Variants in SAMSN1 observed in about 807,000 individuals in gnomAD.
SAMSN1 encodes SAM domain, SH3 domain and nuclear localization signals 1, also known as SAM domain-containing protein SAMSN-1.
Under a neutral mutation model 42.0 loss-of-function variants are expected in SAMSN1, and 31 were observed. The ratio of observed to expected loss-of-function variants is 0.74; its 90% confidence interval spans 0.55 to 1.00. The LOEUF (loss-of-function observed/expected upper bound fraction) is 1.00. Among genes scored for constraint, SAMSN1 ranks in the 50% least tolerant of loss-of-function variants. SAMSN1 has a pLI of 0.00. For synonymous variants in SAMSN1, 178 were observed against 151.9 expected, an observed-to-expected ratio of 1.17 and a Z score of -1.26; for missense variants, 464 against 439.4, an observed-to-expected ratio of 1.06 and a Z score of -0.50.
chr21:14,625,740 G>T (rs1406321013), intron 2 of SAMSN1, among the ~76,000 whole-genome samples: 1 of 152,118 alleles, frequency 6.6e-6, no homozygotes, highest in East Asian at 1.9e-4. Flanking sequence ...TCCCCATCAA[G>T]CTACCAATGA....
chr21:14,543,808 A>G (rs999177056), intron 1 of SAMSN1, among the ~76,000 whole-genome samples: 4 of 152,190 alleles, frequency 2.6e-5, no homozygotes, highest in Admixed American at 2.0e-4. Context: ...CCTTTCACAA[A>G]TTCTAAGAGT....
At chr21:14,549,637 G>C (rs1650781428), upstream of SAMSN1, among the ~76,000 whole-genome samples, 1 of 152,026 alleles carries the variant, frequency 6.6e-6, no homozygotes, top group African/African-American at 2.4e-5. Flanking sequence ...GCAAAATAAG[G>C]TTGTCATCAC....
intron 2 of SAMSN1, among the ~76,000 whole-genome samples, chr21:14,628,284 G>T (rs1483021379): frequency 6.6e-6 from 1 of 151,972 alleles, no homozygotes; most frequent in Non-Finnish European, 1.5e-5. Flanking sequence ...AGGATGTTGA[G>T]TGTTACCAAC....
At position 14,500,546 on chromosome 21, in the gene SAMSN1, C is replaced by G. The variant is rs1308815798; in HGVS notation, c.751G>C (p.Glu251Gln). 1.2e-6 allele frequency: 2 copies of G among 1,614,034 alleles called. No individual in the cohort carries two copies. ...TTGCTCACCTGCAGATGAATCCTCT[C>G]TAGGAACTCCTGCAGAGTCTTGGAT... ...KKSKTLQEFL[E>Q]RIHLQEYTST... is the part of the protein sequence containing the mutation. Residue 251 changes from glutamate (E) to glutamine (Q), a missense_variant, in exon 6 of 8, where the codon GAG becomes CAG. Glu to Gln is a conservative substitution (Grantham distance 29). Coordinates refer to ENST00000400566, the MANE Select transcript of SAMSN1 (RefSeq NM_022136.5).
intron 2 of SAMSN1, chr21:14,619,715 C>T (rs1361645041): frequency 7.1e-6 from 2 of 280,802 alleles, no homozygotes; most frequent in African/African-American, 2.2e-5. Context: ...ATAATACACA[C>T]TTATTTATTA....
intron 2 of SAMSN1, among the ~76,000 whole-genome samples, chr21:14,579,024 GA>G (rs997243947): frequency 6.6e-5 from 10 of 151,778 alleles, no homozygotes; most frequent in Admixed American, 5.2e-4. Context: ...AATTACTATT[GA>G]AAAAAATACC....
chr21:14,582,287 C>G, exon 2 of SAMSN1: 7 of 1,550,726 alleles, frequency 4.5e-6, no homozygotes, highest in Non-Finnish European at 6.1e-6. Context: ...CCAGTGATGC[C>G]ACATGTAAGC....
intron 2 of SAMSN1, among the ~76,000 whole-genome samples, chr21:14,571,594 T>A (rs1413267646): frequency 6.6e-6 from 1 of 152,346 alleles, no homozygotes; most frequent in East Asian, 1.9e-4. Context: ...AAGGTGGTTA[T>A]GACTGAGCGA....
intron 3 of SAMSN1, among the ~76,000 whole-genome samples, chr21:14,513,135 T>C (rs1987761259): frequency 6.6e-6 from 1 of 152,204 alleles, no homozygotes; most frequent in African/African-American, 2.4e-5. Flanking sequence ...GAGAAGCAAA[T>C]CTTGCATAAA....
intron 6 of SAMSN1, among the ~76,000 whole-genome samples, chr21:14,595,079 CACTT>C (rs1278574989): frequency 6.6e-6 from 1 of 152,112 alleles, no homozygotes; most frequent in Non-Finnish European, 1.5e-5. Context: ...CATGAGAACT[CACTT>C]ACTGTCATGA....
chr21:14,643,129 C>G (rs1452272236), exon 2 of SAMSN1: 3 of 716,830 alleles, frequency 4.2e-6, no homozygotes, highest in Non-Finnish European at 7.8e-6. Flanking sequence ...ATCCATAGAG[C>G]CCTCCTGCAA....
At chr21:14,638,586 C>T (rs1013850853) in intron 2 of SAMSN1, among the ~76,000 whole-genome samples, 14 of 152,102 alleles carry the variant, frequency 9.2e-5, no homozygotes, top group Admixed American at 2.6e-4. Context: ...ATTTTTAGCT[C>T]GTGCATGATA....
At chr21:14,551,902 C>G (rs960829430) in intron 2 of SAMSN1, among the ~76,000 whole-genome samples, 1 of 152,068 alleles carries the variant, frequency 6.6e-6, no homozygotes, top group African/African-American at 2.4e-5. Flanking sequence ...TCATAACCAT[C>G]ACTCTATGTC....
intron 3 of SAMSN1, among the ~76,000 whole-genome samples, chr21:14,512,809 G>T (rs1204276369): frequency 6.6e-6 from 1 of 152,058 alleles, no homozygotes; most frequent in South Asian, 2.1e-4. Flanking sequence ...AAATTATAAT[G>T]GCTCATTTTT....
intron 2 of SAMSN1, among the ~76,000 whole-genome samples, chr21:14,568,657 G>A (rs561219119): frequency 4.6e-5 from 7 of 152,174 alleles, no homozygotes; most frequent in East Asian, 1.9e-4. Flanking sequence ...ATGTCAGCTG[G>A]CTTGTCCTCC....
At chr21:14,616,048 A>G (rs1201310583) in intron 2 of SAMSN1, 3 of 567,222 alleles carry the variant, frequency 5.3e-6, no homozygotes, top group Non-Finnish European at 9.7e-6. Context: ...ATAAAATAAA[A>G]TAAATAACAT....
At chr21:14,639,710 A>G (rs1465491982) in intron 2 of SAMSN1, among the ~76,000 whole-genome samples, 1 of 151,746 alleles carries the variant, frequency 6.6e-6, no homozygotes, top group Non-Finnish European at 1.5e-5. Context: ...CTACATTTAA[A>G]ATAACATTAT....
At chr21:14,506,510 G>A (rs920043559) in intron 5 of SAMSN1, among the ~76,000 whole-genome samples, 4 of 151,988 alleles carry the variant, frequency 2.6e-5, no homozygotes, top group African/African-American at 4.8e-5. Context: ...TTAGATACCC[G>A]GAATAGACCA....
chr21:14,639,940 C>A (rs1415485375), intron 2 of SAMSN1, among the ~76,000 whole-genome samples: 1 of 152,108 alleles, frequency 6.6e-6, no homozygotes. Flanking sequence ...CCATTATCAA[C>A]CTTCCTGAAA....
Sources: allele counts gnomAD v4.1 joint callset (sites outside exome capture counted in the v4.1 genomes callset), GRCh38; gene constraint gnomAD v4.1.1; transcripts MANE v1.5; gene names NCBI Gene and HGNC (gene_info 2026-07-23, HGNC 2026-07-21).